The following MYOM1 variants were observed in gnomAD, a reference collection of about 807,000 sequenced individuals.
MYOM1 encodes the protein myomesin 1.
In MYOM1, 164 loss-of-function variants were observed where a neutral mutation model predicts 205.3. That is an observed-to-expected ratio of 0.80 (90% CI 0.70 to 0.91). The LOEUF is 0.91. Among genes scored for constraint, MYOM1 ranks in the 40% least tolerant of loss-of-function variants. MYOM1 has a pLI of 0.00. For synonymous variants in MYOM1, 772 were observed against 789.4 expected (o/e 0.98, Z 0.37); for missense variants, 2,011 against 2,127.3 (o/e 0.95, Z 1.08).
In MYOM1 at chr18:3,193,871, T is replaced by C. The variant is rs764262234; in HGVS notation, c.378A>G (p.Gly126=). ...CACTGGGCAAATTTTCTTTCTCTTC[T>C]CCAGACAGTAGGCTGTGCTTGGCTC... ...PKRAKHSLLS[G]EEKENLPSDY... The change falls in exon 3 of 38, where the codon GGA becomes GGG. Residue 126 remains glycine, a synonymous_variant. Transcript: ENST00000356443. 52 of 1,613,796 alleles carry C rather than the reference T, an allele frequency of 3.2e-5. No homozygotes were observed. Among genetic ancestry groups the C allele is most frequent in the Non-Finnish European group, 5.1e-6 (6 of 1,179,840 alleles).
In MYOM1 at chr18:3,169,593, A is replaced by C. The variant is rs377356601; in HGVS notation, c.1175-612T>G. The stretch of plus-strand genomic sequence containing the variant: ...TAATCATTGAGAGAAATGCAAATCA[A>C]AATGACAATGAGATATCATTTCACC... On this transcript the variant is annotated intron_variant, in intron 8 of 37. Transcript: ENST00000356443. Among the ~76,000 whole-genome samples, 141 of 152,352 alleles carry C rather than the reference A, an allele frequency of 9.3e-4. No homozygotes were observed. In the South Asian group the frequency reaches 0.023, roughly 25 times the overall value.
intron 14 of MYOM1, among the ~76,000 whole-genome samples, chr18:3,140,909 T>G (rs952851775): frequency 7.2e-5 from 11 of 152,236 alleles, no homozygotes; most frequent in African/African-American, 2.4e-4. Context: ...TACAAACACT[T>G]GTTTCATTTA....
chr18:3,241,051 G>A, the MYOM1 span, among the ~76,000 whole-genome samples: 1,644 of 152,290 alleles, frequency 0.011, 41 homozygotes, highest in African/African-American at 0.038. Context: ...GCTGTTAAAG[G>A]CATTCAGTTT....
intron 20 of MYOM1, among the ~76,000 whole-genome samples, chr18:3,118,059 A>G (rs939945230): frequency 1.3e-5 from 2 of 152,128 alleles, no homozygotes; most frequent in African/African-American, 4.8e-5. Flanking sequence ...GCTCTAGTCT[A>G]GGGAAAAGCA....
In MYOM1 at chr18:3,148,812, C is replaced by G. The variant is rs1018021860; in HGVS notation, c.1900+333G>C. ...AGTGAGCCGAGATCGCACCATTGCA[C>G]TCCACCCTGGGCGACAGAGCGAGAC... is the stretch of plus-strand genomic sequence containing the variant. On this transcript the variant is annotated intron_variant, in intron 13 of 37. Coordinates refer to ENST00000356443, the MANE Select transcript of MYOM1 (RefSeq NM_003803.4). Among the ~76,000 whole-genome samples the G allele has an allele frequency of 2.3e-5, 3 of 131,000 alleles. No individual in the cohort carries two copies. In the East Asian group the frequency reaches 6.6e-4, roughly 29 times the overall value. The allele number at this position is 131,000 out of a possible 152,430, so 85.9% of individuals were successfully genotyped here.
chr18:3,245,193 G>C, the MYOM1 span, among the ~76,000 whole-genome samples: 2 of 152,316 alleles, frequency 1.3e-5, no homozygotes, highest in South Asian at 4.1e-4. Flanking sequence ...GAAAAGAACA[G>C]AATAGAAATC....
intron 13 of MYOM1, among the ~76,000 whole-genome samples, chr18:3,145,034 G>C (rs1362702625): frequency 6.6e-6 from 1 of 152,040 alleles, no homozygotes. Context: ...TTTTGGCTGG[G>C]TGTGTGGCTA....
At chr18:3,068,733 C>T (rs375610252) in intron 37 of MYOM1, among the ~76,000 whole-genome samples, 1 of 152,134 alleles carries the variant, frequency 6.6e-6, no homozygotes, top group Non-Finnish European at 1.5e-5. Context: ...CTTGTTCTTG[C>T]TGACTAGAAT....
the MYOM1 span, among the ~76,000 whole-genome samples, chr18:3,232,401 T>C: frequency 3.3e-5 from 5 of 152,034 alleles, no homozygotes; most frequent in Admixed American, 3.3e-4. Flanking sequence ...CTTAAATTCA[T>C]GCAAATGATA....
chr18:3,082,845 A>G (rs976100929), intron 33 of MYOM1, among the ~76,000 whole-genome samples: 2 of 152,154 alleles, frequency 1.3e-5, no homozygotes, highest in African/African-American at 4.8e-5. Flanking sequence ...CACCTTCCCC[A>G]AAGTCAACTT....
intron 19 of MYOM1, among the ~76,000 whole-genome samples, chr18:3,123,561 A>AT (rs994984234): frequency 2.6e-5 from 4 of 151,808 alleles, no homozygotes; most frequent in African/African-American, 9.7e-5. Flanking sequence ...TTATTCCTTA[A>AT]TTTTTTTACA....
chr18:3,164,389 G>A lies in MYOM1; in HGVS notation c.1390C>T (p.Arg464Trp), dbSNP rs566450672. The change falls in exon 10 of 38, where the codon CGG (arginine) becomes TGG (tryptophan). Residue 464 changes from arginine to tryptophan, a missense_variant. By Grantham distance (101) the Arg-to-Trp change is moderately radical. Transcript: ENST00000356443. ...KWVQTLWSGE[R>W]ATLTFSHLNK... ...AGATGGGAAAATGTCAGCGTTGCCC[G>A]CTCTCCACTCCAAAGTGTTTGCACC... The A allele has an allele frequency of 2.0e-5, 32 of 1,610,480 alleles. 1 individual carries two copies. The highest frequency in any genetic ancestry group is 6.6e-5 in the South Asian group (6 of 90,316).
intron 18 of MYOM1, among the ~76,000 whole-genome samples, chr18:3,128,591 A>G (rs543931437): frequency 6.6e-6 from 1 of 152,304 alleles, no homozygotes; most frequent in Admixed American, 6.5e-5. Flanking sequence ...ACTCAAAGAT[A>G]TATTTATAGC....
chr18:3,172,914 G>C (rs543078705), intron 8 of MYOM1, among the ~76,000 whole-genome samples: 8 of 152,324 alleles, frequency 5.3e-5, no homozygotes, highest in Non-Finnish European at 1.2e-4. Context: ...CCATGGGGCT[G>C]ATGCCAGTGA....
intron 25 of MYOM1, among the ~76,000 whole-genome samples, chr18:3,097,746 C>T (rs750737379): frequency 2.0e-5 from 3 of 152,128 alleles, no homozygotes; most frequent in Non-Finnish European, 4.4e-5. Flanking sequence ...GGTCTCTCTA[C>T]CAAAATGCGA....
the MYOM1 span, among the ~76,000 whole-genome samples, chr18:3,225,145 G>T: frequency 6.6e-6 from 1 of 151,952 alleles, no homozygotes; most frequent in African/African-American, 2.4e-5. Flanking sequence ...CTGCCACCAC[G>T]CCCAACTAAT....
At chr18:3,085,508 T>TGCAG (rs1383757320) in intron 30 of MYOM1, among the ~76,000 whole-genome samples, 1 of 152,132 alleles carries the variant, frequency 6.6e-6, no homozygotes, top group East Asian at 1.9e-4. Context: ...CGTTCACAGA[T>TGCAG]GCAGAGATGC....
chr18:3,101,049 T>C (rs2079368515), intron 23 of MYOM1, among the ~76,000 whole-genome samples: 1 of 152,200 alleles, frequency 6.6e-6, no homozygotes, highest in African/African-American at 2.4e-5. Flanking sequence ...GTGTCTAAGA[T>C]CAACCAAACA....
chr18:3,205,299 A>G (rs2081113221), intron 2 of MYOM1, among the ~76,000 whole-genome samples: 1 of 152,192 alleles, frequency 6.6e-6, no homozygotes, highest in Non-Finnish European at 1.5e-5. Context: ...AAGGCACAGA[A>G]TATGAGAAAA....
Sources: gnomAD v4.1 joint callset for allele counts (sites outside exome capture counted in the v4.1 genomes callset) on GRCh38, gnomAD v4.1.1 for gene constraint, MANE v1.5 for transcripts, NCBI Gene and HGNC (gene_info 2026-07-23, HGNC 2026-07-21) for gene names.